Variants in IGF2BP1 observed in about 807,000 individuals in gnomAD.
IGF2BP1 encodes insulin like growth factor 2 mRNA binding protein 1, also known as insulin-like growth factor 2 mRNA-binding protein 1.
In IGF2BP1, 11 loss-of-function variants were observed where a neutral mutation model predicts 74.9. The observed-to-expected ratio is 0.15, with a 90% CI of 0.09 to 0.24. IGF2BP1 has a LOEUF of 0.24. Among genes scored for constraint, IGF2BP1 ranks in the 10% least tolerant of loss-of-function variants. The pLI is 1.00. For synonymous variants in IGF2BP1, 287 were observed against 281.8 expected, an observed-to-expected ratio of 1.02 and a Z score of -0.18; for missense variants, 440 against 757.4, an observed-to-expected ratio of 0.58 and a Z score of 4.92.
Position 49,053,923 on chromosome 17 carries a change from A to G in IGF2BP1, c.*4479A>G, listed in dbSNP as rs1567833124. ...TCTTGAAAACCAGTAGAAGGGAAAC[A>G]GCACAGCCTGTCACAGTAATTGCAG... On this transcript the variant is annotated 3_prime_UTR_variant, in exon 15 of 15. Coordinates refer to ENST00000290341, the MANE Select transcript of IGF2BP1 (RefSeq NM_006546.4). 2 of 152,832 alleles carry G rather than the reference A, an allele frequency of 1.3e-5. No individual in the cohort carries two copies. The highest frequency in any genetic ancestry group is 4.8e-5 in the African/African-American group (2 of 41,598). 9.5% of individuals were successfully genotyped at this position (152,832 alleles called of 1,614,324 possible). A position where few individuals can be genotyped will look rare whatever the true frequency, so the allele number is the denominator to read the frequency against.
At chr17:48,998,063 C>T in intron 1 of IGF2BP1, 143 bp downstream of exon 1, 1 of 771,744 alleles carries the variant, frequency 1.3e-6, no homozygotes, top group East Asian at 2.8e-5. Flanking sequence ...GACCTACCCC[C>T]TTCGATGCCC....
chr17:49,047,117 G>T (rs914672205), intron 14 of IGF2BP1, among the ~76,000 whole-genome samples: 5 of 152,176 alleles, frequency 3.3e-5, no homozygotes, highest in Non-Finnish European at 5.9e-5. Flanking sequence ...GTCTGCTGGG[G>T]CTGCTAGAGC....
intron 2 of IGF2BP1, among the ~76,000 whole-genome samples, chr17:48,999,716 C>T (rs193083590): frequency 1.3e-5 from 2 of 150,862 alleles, no homozygotes; most frequent in Admixed American, 1.3e-4. Flanking sequence ...TTCCATGGAC[C>T]CCCCACCCCC....
At chr17:48,999,838 T>TA (rs1477830745) in intron 2 of IGF2BP1, among the ~76,000 whole-genome samples, 1 of 151,770 alleles carries the variant, frequency 6.6e-6, no homozygotes, top group Non-Finnish European at 1.5e-5. Flanking sequence ...AGCCCATTGT[T>TA]ACCAGGGGAC....
At chr17:49,043,934 G>C in intron 10 of IGF2BP1, 33 bp from the exon 11 acceptor site, 1 of 1,609,530 alleles carries the variant, frequency 6.2e-7, no homozygotes, top group Admixed American at 1.7e-5. Context: ...TGCTACTTGG[G>C]CCCCCTGGTA....
chr17:49,041,046 G>A (rs1478199400), intron 7 of IGF2BP1, among the ~76,000 whole-genome samples: 1 of 152,112 alleles, frequency 6.6e-6, no homozygotes, highest in African/African-American at 2.4e-5. Flanking sequence ...GGACGTGGCG[G>A]CCTGTGCGTA....
intron 6 of IGF2BP1, among the ~76,000 whole-genome samples, chr17:49,039,721 C>T (rs1053963512): frequency 6.6e-5 from 10 of 152,216 alleles, no homozygotes; most frequent in Non-Finnish European, 1.3e-4. Flanking sequence ...GCTCCCGTGC[C>T]TGGCCACCAA....
intron 10 of IGF2BP1, 59 bp from the exon 11 acceptor site, chr17:49,043,908 G>A (rs2042081309): frequency 1.4e-5 from 23 of 1,593,656 alleles, no homozygotes; most frequent in Non-Finnish European, 2.0e-5. Flanking sequence ...CAGGGGAGTG[G>A]AGGGTTTCTG....
At chr17:49,018,349 T>G (rs1053350504) in intron 2 of IGF2BP1, among the ~76,000 whole-genome samples, 5 of 152,220 alleles carry the variant, frequency 3.3e-5, no homozygotes. Context: ...GAAACATGTT[T>G]GTTGCTCACT....
Position 49,055,350 on chromosome 17 carries a change from T to C in IGF2BP1, c.*5906T>C. 1 of 308,732 alleles carries C rather than the reference T, an allele frequency of 3.2e-6. No individual in the cohort carries two copies. The highest frequency in any genetic ancestry group is 5.9e-6 in the Non-Finnish European group (1 of 168,782). The allele number at this position is 308,732 out of a possible 1,614,324, so 19.1% of individuals were successfully genotyped here. ...TCTGCCCCTGGCCTGTCTCACCCCA[T>C]CCCCCACCCTATTCCTGCCAGTGAG... On this transcript the variant is annotated 3_prime_UTR_variant, in exon 15 of 15. Coordinates refer to ENST00000290341, the MANE Select transcript of IGF2BP1 (RefSeq NM_006546.4).
At position 49,051,421 on chromosome 17, in the gene IGF2BP1, G is replaced by T. The variant is rs1019902335; in HGVS notation, c.*1977G>T. 1 of 152,680 alleles carries T rather than the reference G, an allele frequency of 6.5e-6. No individual in the cohort carries two copies. Among genetic ancestry groups the T allele is most frequent in the Non-Finnish European group, 1.5e-5 (1 of 68,094 alleles). The allele number at this position is 152,680 out of a possible 1,614,324, so 9.5% of individuals were successfully genotyped here. A position where few individuals can be genotyped will look rare whatever the true frequency, so the allele number is the denominator to read the frequency against. On this transcript the variant is annotated 3_prime_UTR_variant, in exon 15 of 15. Coordinates refer to ENST00000290341, the MANE Select transcript of IGF2BP1 (RefSeq NM_006546.4). ...CCCAGGTTTGAGAGAGCCCAGAGGG[G>T]CAGAGCCCAGAGCCTTGTTTGGCCC...
Position 49,041,461 on chromosome 17 carries a change from A to G in IGF2BP1, c.902A>G (p.Lys301Arg), listed in dbSNP as rs753438639. 1.2e-5 allele frequency: 19 copies of G among 1,614,178 alleles called. No individual in the cohort carries two copies. In the South Asian group the frequency reaches 1.8e-4, roughly 15 times the overall value. The change falls in exon 8 of 15, where the codon AAG (lysine) becomes AGG (arginine). Residue 301 changes from lysine to arginine, a missense_variant. Lys to Arg is a conservative substitution (Grantham distance 26). Transcript: ENST00000290341. ...LIGKEGRNLK[K>R]VEQDTETKIT... is the part of the protein sequence containing the mutation. ...GGCAAGGAAGGACGGAACCTGAAGA[A>G]GGTAGAGCAAGATACCGAGACAAAA...
chr17:49,024,617 T>C (rs1040468598), intron 2 of IGF2BP1, among the ~76,000 whole-genome samples: 1 of 152,276 alleles, frequency 6.6e-6, no homozygotes, highest in African/African-American at 2.4e-5. Flanking sequence ...AGGTATTATC[T>C]CTGTTTTACG....
rs1413532884 is a variant in IGF2BP1 at position 49,040,092 on chromosome 17, G to A, written c.818+1G>A. 6.2e-7 allele frequency: 1 copy of A among 1,613,854 alleles called. No individual in the cohort carries two copies. Among genetic ancestry groups the A allele is most frequent in the African/African-American group, 1.3e-5 (1 of 75,042 alleles). ...ATAAAGAGGCTAAGGACACCAAAAC[G>A]TAAGTCTCCAGCTTTTCTTGGATCT... is the stretch of plus-strand genomic sequence containing the variant. On this transcript the variant is annotated splice_donor_variant, in intron 7 of 14. Coordinates refer to ENST00000290341, the MANE Select transcript of IGF2BP1 (RefSeq NM_006546.4). LOFTEE classifies it high-confidence loss of function.
chr17:49,031,879 G>C (rs937735148), intron 4 of IGF2BP1, 31 bp from the exon 5 acceptor site: 3 of 1,606,122 alleles, frequency 1.9e-6, no homozygotes, highest in South Asian at 1.1e-5. Context: ...AGATTTCCCT[G>C]CTCTGAGGTT....
At chr17:49,034,650 AGGAGGTGGAGGT>A (rs567626933) in intron 5 of IGF2BP1, among the ~76,000 whole-genome samples, 1 of 150,764 alleles carries the variant, frequency 6.6e-6, no homozygotes, top group Admixed American at 6.6e-5. Flanking sequence ...GCTTGAGCCC[AGGAGGTGGAGGT>A]GGAGGTGGAG....
At chr17:49,005,726 T>A (rs897150513) in intron 2 of IGF2BP1, among the ~76,000 whole-genome samples, 1 of 147,094 alleles carries the variant, frequency 6.8e-6, no homozygotes, top group African/African-American at 2.5e-5. Flanking sequence ...GAACTTCAAA[T>A]TTTTTTTTTT....
At chr17:48,998,557 C>G (rs1302694243) in intron 1 of IGF2BP1, among the ~76,000 whole-genome samples, 1 of 152,176 alleles carries the variant, frequency 6.6e-6, no homozygotes, top group African/African-American at 2.4e-5. Flanking sequence ...GACGCCGAGG[C>G]TGGGCCGAGA....
At chr17:49,026,631 TCCTG>T (rs1703457693) in intron 4 of IGF2BP1, 114 bp downstream of exon 4, 14 of 429,958 alleles carry the variant, frequency 3.3e-5, no homozygotes, top group South Asian at 1.7e-4. Flanking sequence ...CTTCCTTCCT[TCCTG>T]CCTTCCTTCC....
Sources: allele counts gnomAD v4.1 joint callset (sites outside exome capture counted in the v4.1 genomes callset), GRCh38; gene constraint gnomAD v4.1.1; transcripts MANE v1.5; gene names NCBI Gene and HGNC (gene_info 2026-07-23, HGNC 2026-07-21).